The following PDZRN4 variants were observed in gnomAD, a reference collection of about 807,000 sequenced individuals.
PDZRN4 encodes PDZ domain-containing RING finger protein 4.
A neutral mutation model predicts 99.0 loss-of-function variants in PDZRN4; 70 were observed. The ratio of observed to expected loss-of-function variants is 0.71; its 90% CI spans 0.58 to 0.86. The LOEUF is 0.86. Ranked by LOEUF, PDZRN4 falls within the 40% of genes least tolerant of loss-of-function variation. The pLI, the probability that PDZRN4 is intolerant of heterozygous loss-of-function variation, is 0.00. For missense variants in PDZRN4, 1,474 were observed against 1,331.2 expected (o/e 1.11, Z -1.67); for synonymous variants, 551 against 501.6 (o/e 1.10, Z -1.32).
chr12:41,327,150 T>G (rs1184122241), intron 3 of PDZRN4, among the ~76,000 whole-genome samples: 1 of 152,206 alleles, frequency 6.6e-6, no homozygotes, highest in African/African-American at 2.4e-5. Context: ...TTTGCTAACT[T>G]GGGGTGGTAA....
At chr12:41,533,017 G>T (rs974806941) in intron 5 of PDZRN4, among the ~76,000 whole-genome samples, 1 of 152,050 alleles carries the variant, frequency 6.6e-6, no homozygotes, top group African/African-American at 2.4e-5. Context: ...ACATGCTAAA[G>T]TGTATTGCCT....
intron 3 of PDZRN4, among the ~76,000 whole-genome samples, chr12:41,312,627 G>A (rs1435226045): frequency 6.6e-6 from 1 of 152,146 alleles, no homozygotes; most frequent in Non-Finnish European, 1.5e-5. Context: ...ATAGCAGCAA[G>A]CAAGAGAGAA....
At chr12:41,233,512 A>C (rs1591978494) in intron 3 of PDZRN4, among the ~76,000 whole-genome samples, 1 of 152,162 alleles carries the variant, frequency 6.6e-6, no homozygotes, top group African/African-American at 2.4e-5. Flanking sequence ...AGCACTATTC[A>C]CAATAGCAAA....
chr12:41,365,047 C>T (rs1951988337), intron 3 of PDZRN4, among the ~76,000 whole-genome samples: 1 of 152,076 alleles, frequency 6.6e-6, no homozygotes, highest in African/African-American at 2.4e-5. Flanking sequence ...CCTAAAACTG[C>T]TGGGACAGTT....
intron 5 of PDZRN4, among the ~76,000 whole-genome samples, chr12:41,520,994 T>C (rs1276846071): frequency 6.6e-6 from 1 of 152,074 alleles, no homozygotes; most frequent in African/African-American, 2.4e-5. Flanking sequence ...TAAGGCAACA[T>C]ATGTTTGTAT....
chr12:41,493,432 T>C (rs1432894099), intron 3 of PDZRN4, among the ~76,000 whole-genome samples: 5 of 152,172 alleles, frequency 3.3e-5, no homozygotes, highest in Admixed American at 1.3e-4. Flanking sequence ...AGTATTAGTA[T>C]AGAAAAATGT....
chr12:41,235,519 A>G (rs1312827577), intron 3 of PDZRN4, among the ~76,000 whole-genome samples: 3 of 152,184 alleles, frequency 2.0e-5, no homozygotes, highest in Non-Finnish European at 2.9e-5. Flanking sequence ...GTGAGTTCCT[A>G]TGCACACAGT....
chr12:41,229,564 TGCTATATCAAA>T (rs768386085), intron 3 of PDZRN4, among the ~76,000 whole-genome samples: 45 of 152,256 alleles, frequency 3.0e-4, no homozygotes, highest in Non-Finnish European at 6.5e-4. Context: ...ACTCCCTATC[TGCTATATCAAA>T]GCATAGGAAT....
chr12:41,278,002 G>T (rs1565539852), intron 3 of PDZRN4, among the ~76,000 whole-genome samples: 1 of 152,164 alleles, frequency 6.6e-6, no homozygotes, highest in Admixed American at 6.5e-5. Flanking sequence ...TGATCCAAAA[G>T]CCAATTATGC....
intron 7 of PDZRN4, among the ~76,000 whole-genome samples, chr12:41,558,545 C>T (rs900873648): frequency 3.3e-5 from 5 of 152,054 alleles, no homozygotes; most frequent in African/African-American, 1.2e-4. Flanking sequence ...AAATAAAGTG[C>T]ATGTGTTTCC....
intron 3 of PDZRN4, among the ~76,000 whole-genome samples, chr12:41,323,608 A>C (rs1390376164): frequency 2.0e-5 from 3 of 151,986 alleles, no homozygotes; most frequent in Non-Finnish European, 4.4e-5. Context: ...AGTATAATAA[A>C]TTTTATATAA....
intron 3 of PDZRN4, among the ~76,000 whole-genome samples, chr12:41,377,663 C>T (rs1216391160): frequency 7.0e-6 from 1 of 143,462 alleles, no homozygotes; most frequent in Admixed American, 7.0e-5. Context: ...GACTCCACCT[C>T]AAAAAAAAAA....
intron 3 of PDZRN4, among the ~76,000 whole-genome samples, chr12:41,494,572 A>G (rs1333400285): frequency 1.3e-5 from 2 of 150,468 alleles, no homozygotes; most frequent in African/African-American, 4.9e-5. Context: ...TTGCTATTTT[A>G]AATGCATTTA....
chr12:41,330,541 A>G (rs976264633), intron 3 of PDZRN4, among the ~76,000 whole-genome samples: 6 of 151,630 alleles, frequency 4.0e-5, no homozygotes, highest in African/African-American at 1.5e-4. Flanking sequence ...AATAGTACCT[A>G]TTCCATAAAG....
chr12:41,236,854 A>T (rs1951071156), intron 3 of PDZRN4, among the ~76,000 whole-genome samples: 1 of 152,162 alleles, frequency 6.6e-6, no homozygotes, highest in African/African-American at 2.4e-5. Flanking sequence ...ATTTTCTTTC[A>T]TAGCCCCATA....
intron 5 of PDZRN4, among the ~76,000 whole-genome samples, chr12:41,531,719 G>A (rs1010616060): frequency 5.3e-5 from 8 of 152,050 alleles, no homozygotes; most frequent in Admixed American, 2.0e-4. Context: ...CAGCACTTCC[G>A]CATCACTTCA....
chr12:41,190,866 A>G (rs1279557394), intron 1 of PDZRN4, among the ~76,000 whole-genome samples: 1 of 152,168 alleles, frequency 6.6e-6, no homozygotes, highest in Non-Finnish European at 1.5e-5. Flanking sequence ...AATACATACT[A>G]CTTTACCTAG....
chr12:41,343,380 A>G (rs964898871), intron 3 of PDZRN4, among the ~76,000 whole-genome samples: 4 of 151,968 alleles, frequency 2.6e-5, no homozygotes, highest in East Asian at 1.9e-4. Flanking sequence ...AATTTTGTTT[A>G]TCTTTTCAAG....
At chr12:41,363,855 G>A (rs1951979055) in intron 3 of PDZRN4, among the ~76,000 whole-genome samples, 1 of 152,086 alleles carries the variant, frequency 6.6e-6, no homozygotes, top group Admixed American at 6.6e-5. Flanking sequence ...CCAGACACAG[G>A]CTTTCCACAT....
Sources: allele counts gnomAD v4.1 joint callset (sites outside exome capture counted in the v4.1 genomes callset), GRCh38; gene constraint gnomAD v4.1.1; transcripts MANE v1.5; gene names NCBI Gene and HGNC (gene_info 2026-07-23, HGNC 2026-07-21).